CACNA2D3: variants seen among roughly 807,000 people sequenced by gnomAD.
CACNA2D3 encodes calcium voltage-gated channel auxiliary subunit alpha2delta 3.
Under a neutral mutation model 160.6 loss-of-function variants are expected in CACNA2D3, and 60 were observed. The ratio of observed to expected loss-of-function variants is 0.37; its 90% CI spans 0.30 to 0.46. The LOEUF is 0.46. Ranked by LOEUF, CACNA2D3 falls within the 20% of genes least tolerant of loss-of-function variation. The probability of loss-of-function intolerance (pLI) is 1.00; values close to 1 mark genes in which losing one functional copy is unlikely to be tolerated. For synonymous variants in CACNA2D3, 558 were observed against 492.9 expected (o/e 1.13, Z -1.75); for missense variants, 1,205 against 1,365.0 (o/e 0.88, Z 1.85).
rs376833469 is a variant in CACNA2D3, at chr3:55,073,425, G to T, written c.2988-20G>T. On this transcript the variant is annotated intron_variant, in intron 35 of 37. Transcript: ENST00000474759. ...TTGACGGATGGTAAATGACTGCCTCGCTACCTCTTGTTCCAACAGGTCCTT... is the reference window on the plus strand; with the variant it reads ...TTGACGGATGGTAAATGACTGCCTCTCTACCTCTTGTTCCAACAGGTCCTT... The T allele has an allele frequency of 3.2e-6, 5 of 1,574,368 alleles. No homozygotes were observed. Among genetic ancestry groups the T allele is most frequent in the Non-Finnish European group, 4.4e-6 (5 of 1,143,894 alleles).
chr3:55,012,917 C>T (rs1703241152), intron 34 of CACNA2D3, among the ~76,000 whole-genome samples: 1 of 152,064 alleles, frequency 6.6e-6, no homozygotes, highest in African/African-American at 2.4e-5. Flanking sequence ...TTCACCACCC[C>T]CACCCCAGCT....
intron 2 of CACNA2D3, among the ~76,000 whole-genome samples, chr3:54,231,044 A>G (rs1701759872): frequency 6.6e-6 from 1 of 152,178 alleles, no homozygotes; most frequent in South Asian, 2.1e-4. Context: ...TGTGTTGGCC[A>G]CAGGCTGTGG....
intron 2 of CACNA2D3, among the ~76,000 whole-genome samples, chr3:54,250,041 C>T (rs965292177): frequency 2.0e-5 from 3 of 152,142 alleles, no homozygotes; most frequent in Admixed American, 6.5e-5. Context: ...ATGTGCTTTT[C>T]GTGTGAAGTC....
chr3:54,373,695 C>G (rs1698963404), intron 3 of CACNA2D3, among the ~76,000 whole-genome samples: 1 of 152,126 alleles, frequency 6.6e-6, no homozygotes, highest in South Asian at 2.1e-4. Context: ...AAGTTTAAGC[C>G]TCCTTTGAAT....
chr3:54,356,531 A>G (rs959676942), intron 3 of CACNA2D3, among the ~76,000 whole-genome samples: 4 of 152,162 alleles, frequency 2.6e-5, no homozygotes, highest in Non-Finnish European at 5.9e-5. Context: ...TAGGCACTGC[A>G]TTCCTGTCCC....
chr3:54,493,719 C>T (rs778983170), intron 4 of CACNA2D3, among the ~76,000 whole-genome samples: 12 of 152,202 alleles, frequency 7.9e-5, no homozygotes, highest in Non-Finnish European at 1.6e-4. Context: ...CTTGAATATC[C>T]GACAGCATCC....
intron 34 of CACNA2D3, among the ~76,000 whole-genome samples, chr3:55,012,102 C>G (rs916416515): frequency 1.3e-5 from 2 of 152,106 alleles, no homozygotes; most frequent in Non-Finnish European, 2.9e-5. Flanking sequence ...GTTAGGCACC[C>G]TGGGTAGCCT....
intron 11 of CACNA2D3, among the ~76,000 whole-genome samples, chr3:54,646,762 G>A (rs2106856173): frequency 6.6e-6 from 1 of 152,178 alleles, no homozygotes; most frequent in South Asian, 2.1e-4. Context: ...TATTCCTTTG[G>A]GCATATACCC....
rs146411137 is a variant in CACNA2D3 at position 54,782,905 on chromosome 3, G to A, written c.1380+18554G>A. 4.3e-3 allele frequency among the ~76,000 whole-genome samples: 658 copies of A among 152,188 alleles called. 8 individuals are homozygous for A. The highest frequency in any genetic ancestry group is 0.015 in the African/African-American group (628 of 41,530). ...TGAGTAGCACAGCAAGAATAACTGG[G>A]GTACTAAGAGCTGCCATTATGGGGC... On this transcript the variant is annotated intron_variant, in intron 13 of 37. Transcript: ENST00000474759.
intron 5 of CACNA2D3, among the ~76,000 whole-genome samples, chr3:54,552,135 T>A (rs1284843855): frequency 2.0e-5 from 3 of 152,168 alleles, no homozygotes; most frequent in Non-Finnish European, 2.9e-5. Flanking sequence ...CTGATAGTGA[T>A]GCAGTAGCCT....
rs111457714 is a variant in CACNA2D3 at position 54,836,736 on chromosome 3, G to A, written c.1399-423G>A. Among the ~76,000 whole-genome samples, 1,018 of 152,196 alleles carry A rather than the reference G, an allele frequency of 6.7e-3. 11 individuals are homozygous for A. The highest frequency in any genetic ancestry group is 0.023 in the African/African-American group (951 of 41,526). ...ATCCAGATTCTGTTGTTTTTAGCAG[G>A]GGCAACTCACCAGACCCTTTATGTG... is the stretch of plus-strand genomic sequence containing the variant. On this transcript the variant is annotated intron_variant, in intron 14 of 37. Transcript: ENST00000474759.
chr3:55,055,277 G>A (rs551187626), intron 35 of CACNA2D3, among the ~76,000 whole-genome samples: 3 of 151,996 alleles, frequency 2.0e-5, no homozygotes, highest in African/African-American at 7.2e-5. Flanking sequence ...TTTGCAAGTG[G>A]ATATCCAGTT....
At chr3:54,871,647 G>A (rs180882454) in intron 18 of CACNA2D3, 25 bp downstream of exon 18, 8 of 1,556,618 alleles carry the variant, frequency 5.1e-6, no homozygotes, top group East Asian at 2.2e-5. Flanking sequence ...TTCAGGCCTC[G>A]TGGAGAAGGA....
intron 13 of CACNA2D3, among the ~76,000 whole-genome samples, chr3:54,795,883 T>A (rs1374182300): frequency 6.6e-6 from 1 of 152,166 alleles, no homozygotes; most frequent in Admixed American, 6.5e-5. Flanking sequence ...GCAGGAAAAA[T>A]TCCACTGAAA....
intron 2 of CACNA2D3, among the ~76,000 whole-genome samples, chr3:54,286,400 A>G: frequency 6.6e-6 from 1 of 152,196 alleles, no homozygotes. Context: ...AAAGAAACGA[A>G]CAAAGCCTCC....
chr3:55,018,375 C>A (rs1035343590), intron 35 of CACNA2D3, 58 bp downstream of exon 35: 7 of 1,035,838 alleles, frequency 6.8e-6, no homozygotes, highest in East Asian at 2.5e-5. Context: ...ACAGAACTTT[C>A]CCAGATGGGT....
At chr3:54,476,736 C>T (rs1700837438) in intron 4 of CACNA2D3, among the ~76,000 whole-genome samples, 1 of 151,980 alleles carries the variant, frequency 6.6e-6, no homozygotes, top group Non-Finnish European at 1.5e-5. Flanking sequence ...GGTCATTTGC[C>T]CATTTTTAAA....
chr3:54,865,958 C>T (rs1699392703), intron 17 of CACNA2D3, among the ~76,000 whole-genome samples: 1 of 151,898 alleles, frequency 6.6e-6, no homozygotes, highest in Admixed American at 6.6e-5. Flanking sequence ...CACACCTAGC[C>T]CCAGACCACA....
chr3:55,063,630 A>ATTCCT (rs1197815446), intron 35 of CACNA2D3, among the ~76,000 whole-genome samples: 1 of 152,266 alleles, frequency 6.6e-6, no homozygotes, highest in East Asian at 1.9e-4. Flanking sequence ...TTGGACAGGA[A>ATTCCT]GGTGGCTTTG....
Sources: gnomAD v4.1 joint callset for allele counts (sites outside exome capture counted in the v4.1 genomes callset) on GRCh38, gnomAD v4.1.1 for gene constraint, MANE v1.5 for transcripts, NCBI Gene and HGNC (gene_info 2026-07-23, HGNC 2026-07-21) for gene names.